Variants in STARD13 observed in about 807,000 individuals in gnomAD.
STARD13 encodes the protein stAR-related lipid transfer protein 13.
Under a neutral mutation model 106.4 loss-of-function variants are expected in STARD13, and 62 were observed. That is an observed-to-expected ratio of 0.58 (90% CI 0.48 to 0.72). STARD13 has a LOEUF of 0.72. STARD13 is among the 30% of genes least tolerant of loss of function. The pLI is 0.00. For synonymous variants in STARD13, 565 were observed against 553.0 expected, an observed-to-expected ratio of 1.02 and a Z score of -0.31; for missense variants, 1,387 against 1,424.0, an observed-to-expected ratio of 0.97 and a Z score of 0.42.
chr13:33,144,606 C>G (rs932554148), intron 3 of STARD13, among the ~76,000 whole-genome samples: 1 of 152,212 alleles, frequency 6.6e-6, no homozygotes, highest in African/African-American at 2.4e-5. Context: ...TCAGATATAG[C>G]AGGCAATGCT....
the STARD13 span, among the ~76,000 whole-genome samples, chr13:33,381,319 C>G: frequency 6.6e-6 from 1 of 152,156 alleles, no homozygotes; most frequent in Non-Finnish European, 1.5e-5. Flanking sequence ...GCCTATTAAA[C>G]GCTTCACAGT....
chr13:33,299,098 T>G (rs772887603), intron 1 of STARD13, among the ~76,000 whole-genome samples: 26 of 152,234 alleles, frequency 1.7e-4, no homozygotes, highest in Admixed American at 9.8e-4. Flanking sequence ...TGTGTTACAA[T>G]TGCCTGCAGA....
chr13:33,616,809 T>G, the STARD13 span, among the ~76,000 whole-genome samples: 1 of 152,368 alleles, frequency 6.6e-6, no homozygotes, highest in South Asian at 2.1e-4. Flanking sequence ...AAATAGTCTT[T>G]ATTTTAATTG....
chr13:33,515,880 C>T, the STARD13 span, among the ~76,000 whole-genome samples: 1 of 152,046 alleles, frequency 6.6e-6, no homozygotes, highest in Non-Finnish European at 1.5e-5. Flanking sequence ...AGCCCTTCTT[C>T]ATCTCCACTA....
At chr13:33,424,714 C>T in the STARD13 span, among the ~76,000 whole-genome samples, 7 of 152,046 alleles carry the variant, frequency 4.6e-5, no homozygotes, top group African/African-American at 1.7e-4. Context: ...GAATTTCATC[C>T]TGTGGGTAAT....
the STARD13 span, among the ~76,000 whole-genome samples, chr13:33,376,391 G>C: frequency 6.6e-6 from 1 of 152,200 alleles, no homozygotes; most frequent in South Asian, 2.1e-4. Flanking sequence ...TCTAGAAGTG[G>C]GGTGGAGGAG....
chr13:33,468,962 C>A, the STARD13 span, among the ~76,000 whole-genome samples: 1 of 152,248 alleles, frequency 6.6e-6, no homozygotes, highest in Non-Finnish European at 1.5e-5. Context: ...AAAAAAGGAA[C>A]TTACCTTCCT....
chr13:33,521,577 C>A, the STARD13 span, among the ~76,000 whole-genome samples: 1 of 152,050 alleles, frequency 6.6e-6, no homozygotes, highest in Non-Finnish European at 1.5e-5. Context: ...GAAGGAATGC[C>A]TATTATAGAC....
At chr13:33,334,265 CT>C (rs1594275498) in intron 1 of STARD13, among the ~76,000 whole-genome samples, 1 of 152,230 alleles carries the variant, frequency 6.6e-6, no homozygotes, top group South Asian at 2.1e-4. Flanking sequence ...GGGTGAAAGA[CT>C]TTTTTATTGC....
chr13:33,440,550 T>G, the STARD13 span, among the ~76,000 whole-genome samples: 1 of 151,802 alleles, frequency 6.6e-6, no homozygotes, highest in East Asian at 2.0e-4. Context: ...TATCATTTTC[T>G]TGGTGGGCTC....
chr13:33,360,345 T>TA, the STARD13 span, among the ~76,000 whole-genome samples: 1 of 151,850 alleles, frequency 6.6e-6, no homozygotes. Flanking sequence ...GCTGGGACTA[T>TA]AGGCGCGTGC....
At chr13:33,506,582 G>A in the STARD13 span, among the ~76,000 whole-genome samples, 1 of 152,090 alleles carries the variant, frequency 6.6e-6, no homozygotes, top group African/African-American at 2.4e-5. Context: ...CTCAGAAGTG[G>A]AAGATCTGCA....
At chr13:33,539,216 A>G in the STARD13 span, among the ~76,000 whole-genome samples, 1 of 152,248 alleles carries the variant, frequency 6.6e-6, no homozygotes, top group Non-Finnish European at 1.5e-5. Flanking sequence ...TTAACAATGT[A>G]TGTGCAATAC....
chr13:33,379,304 C>A, the STARD13 span, among the ~76,000 whole-genome samples: 8 of 152,020 alleles, frequency 5.3e-5, no homozygotes, highest in African/African-American at 1.9e-4. Flanking sequence ...AAAAATACAC[C>A]CTATAGTATT....
intron 1 of STARD13, among the ~76,000 whole-genome samples, chr13:33,168,710 C>G (rs903441609): frequency 1.4e-5 from 2 of 146,632 alleles, no homozygotes; most frequent in Non-Finnish European, 3.0e-5. Context: ...TTCTTGGGAT[C>G]ACTGCACAGA....
At chr13:33,246,044 G>T (rs546743818) in intron 1 of STARD13, among the ~76,000 whole-genome samples, 1 of 152,150 alleles carries the variant, frequency 6.6e-6, no homozygotes, top group Non-Finnish European at 1.5e-5. Flanking sequence ...GAAGGGATGG[G>T]GTGGGCCTGT....
the STARD13 span, among the ~76,000 whole-genome samples, chr13:33,645,466 CA>C: frequency 9.9e-5 from 15 of 152,130 alleles, no homozygotes; most frequent in African/African-American, 3.1e-4. Context: ...CTTCAAGCCA[CA>C]AAAGTGAGGG....
intron 6 of STARD13, 65 bp downstream of exon 6, chr13:33,127,308 G>A (rs1296305048): frequency 4.1e-6 from 6 of 1,465,220 alleles, no homozygotes; most frequent in Non-Finnish European, 5.4e-6. Flanking sequence ...AAACATGGAA[G>A]CTTCTGCAAT....
rs530100405 is a variant in STARD13, at chr13:33,349,474, T to C, written c.125-258A>G. On this transcript the variant is annotated intron_variant, in intron 1 of 1. Coordinates refer to the STARD13 transcript ENST00000439831. ...GCTCTGAGATGGCTGGACCGCCCAC[T>C]GCATCCTTGGCCCTACAGAAAGAGG... Among the ~76,000 whole-genome samples, 5 of 152,320 alleles carry C rather than the reference T, an allele frequency of 3.3e-5. No individual in the cohort carries two copies. In the East Asian group the frequency reaches 9.6e-4, roughly 29 times the overall value.
Sources: allele counts gnomAD v4.1 joint callset (sites outside exome capture counted in the v4.1 genomes callset), GRCh38; gene constraint gnomAD v4.1.1; transcripts MANE v1.5; gene names NCBI Gene and HGNC (gene_info 2026-07-23, HGNC 2026-07-21).